Variants in PKHD1 observed in about 807,000 individuals in gnomAD.
PKHD1 encodes PKHD1 ciliary IPT domain containing fibrocystin/polyductin.
In PKHD1, 291 loss-of-function variants were observed where a neutral mutation model predicts 412.0. The observed-to-expected ratio is 0.71, with a 90% CI of 0.64 to 0.78. The LOEUF is 0.78. Among genes scored for constraint, PKHD1 ranks in the 30% least tolerant of loss-of-function variants. The pLI, the probability that PKHD1 is intolerant of heterozygous loss-of-function variation, is 0.00. For synonymous variants in PKHD1, 1,777 were observed against 1,821.5 expected (o/e 0.98, Z 0.62); for missense variants, 4,825 against 4,950.7 (o/e 0.97, Z 0.76).
At chr6:52,052,279 T>C (rs1051137543) in intron 21 of PKHD1, among the ~76,000 whole-genome samples, 3 of 152,176 alleles carry the variant, frequency 2.0e-5, no homozygotes, top group Non-Finnish European at 2.9e-5. Flanking sequence ...AACTGCACCA[T>C]TCTGCCTTGG....
chr6:51,992,755 G>A (rs1485885025), intron 35 of PKHD1, among the ~76,000 whole-genome samples: 5 of 152,226 alleles, frequency 3.3e-5, no homozygotes, highest in Non-Finnish European at 7.3e-5. Context: ...GCAGTGCATT[G>A]TTAACTTATC....
At position 52,025,972 on chromosome 6, in the gene PKHD1, G is replaced by T; in HGVS notation, c.3838C>A (p.Arg1280Ser). 6.2e-7 allele frequency: 1 copy of T among 1,614,092 alleles called. No individual in the cohort carries two copies. Among genetic ancestry groups the T allele is most frequent in the Non-Finnish European group, 8.5e-7 (1 of 1,180,020 alleles). ...EVWAGNRFFA[R>S]GPSPSLVGKG... ...CCCACCAAGCTTGGTGAAGGACCAC[G>T]GGCGAAGAACCTGTTGCCAGCCCAG... The change falls in exon 32 of 67, where the codon CGT (arginine) becomes AGT (serine). Residue 1280 changes from arginine to serine, a missense_variant. By Grantham distance (110) the Arg-to-Ser change is moderately radical (BLOSUM62 -1). Transcript: ENST00000371117.
At chr6:51,776,999 T>G (rs1791133625) in intron 53 of PKHD1, among the ~76,000 whole-genome samples, 1 of 152,050 alleles carries the variant, frequency 6.6e-6, no homozygotes, top group Non-Finnish European at 1.5e-5. Flanking sequence ...ATACTAAAGT[T>G]ATTAAAGTCA....
intron 43 of PKHD1, among the ~76,000 whole-genome samples, chr6:51,894,374 A>G (rs2127581258): frequency 6.6e-6 from 1 of 152,342 alleles, no homozygotes; most frequent in African/African-American, 2.4e-5. Context: ...TTTGCTTCTC[A>G]GTGAAACTGC....
At chr6:51,636,318 G>C (rs1213207454) in intron 64 of PKHD1, among the ~76,000 whole-genome samples, 6 of 152,054 alleles carry the variant, frequency 3.9e-5, no homozygotes, top group African/African-American at 1.4e-4. Context: ...TATAATGCCA[G>C]CATGAGCCCA....
chr6:51,675,537 G>A (rs1178907641), intron 60 of PKHD1, among the ~76,000 whole-genome samples: 1 of 152,106 alleles, frequency 6.6e-6, no homozygotes, highest in African/African-American at 2.4e-5. Flanking sequence ...GCACACTGGA[G>A]AAAGAGAACT....
chr6:51,919,539 A>G (rs1215500641), intron 37 of PKHD1, among the ~76,000 whole-genome samples: 3 of 152,082 alleles, frequency 2.0e-5, no homozygotes, highest in Non-Finnish European at 4.4e-5. Context: ...TTGCCTTGTA[A>G]TATCGTTTGA....
intron 35 of PKHD1, chr6:51,975,979 A>C (rs907698523): frequency 2.6e-5 from 4 of 151,048 alleles, no homozygotes; most frequent in Admixed American, 6.6e-5. Flanking sequence ...AAAAAAAAAA[A>C]AAAAAAAAAA....
chr6:52,035,579 G>A lies in PKHD1; in HGVS notation c.3228+12C>T, dbSNP rs1382436971. 6.2e-7 allele frequency: 1 copy of A among 1,612,396 alleles called. No individual in the cohort carries two copies. ...ACCCAGAGAGAAAGAGATATGAAAG[G>A]AATCCACTTACCCTGGGTGGAACTT... On this transcript the variant is annotated intron_variant, in intron 28 of 66. Coordinates refer to ENST00000371117, the MANE Select transcript of PKHD1 (RefSeq NM_138694.4).
chr6:51,988,996 T>G (rs1796545460), intron 35 of PKHD1, among the ~76,000 whole-genome samples: 1 of 152,224 alleles, frequency 6.6e-6, no homozygotes, highest in African/African-American at 2.4e-5. Context: ...GTCTGTGGCT[T>G]TAGAAAAGGA....
chr6:51,768,512 A>G (rs13219549), intron 55 of PKHD1, among the ~76,000 whole-genome samples: 5,623 of 152,098 alleles, frequency 0.037, 155 homozygotes, highest in Non-Finnish European at 0.059. Context: ...TTATAATTTA[A>G]AAGTTTACTA....
chr6:51,796,878 G>T (rs6458783), intron 52 of PKHD1, among the ~76,000 whole-genome samples: 87,717 of 149,246 alleles, frequency 0.59, 26,462 homozygotes, highest in East Asian at 0.83. Context: ...GAGTGCAGGG[G>T]TGTGATATCA....
chr6:51,997,814 A>C (rs371211389), intron 35 of PKHD1, among the ~76,000 whole-genome samples: 2 of 152,336 alleles, frequency 1.3e-5, no homozygotes, highest in African/African-American at 4.8e-5. Context: ...AAAGAGGCTG[A>C]ATGATATCAA....
chr6:52,004,348 T>G (rs534925938), intron 35 of PKHD1, among the ~76,000 whole-genome samples: 1 of 152,196 alleles, frequency 6.6e-6, no homozygotes, highest in Non-Finnish European at 1.5e-5. Flanking sequence ...TTTGAAATAG[T>G]TTTCATTTTC....
At chr6:51,947,189 T>G (rs1303558706) in intron 36 of PKHD1, among the ~76,000 whole-genome samples, 2 of 152,200 alleles carry the variant, frequency 1.3e-5, no homozygotes, top group Non-Finnish European at 2.9e-5. Flanking sequence ...GTCCTCACCC[T>G]TCCCGAGTGA....
At chr6:51,782,010 ATT>A (rs1792097553) in intron 53 of PKHD1, among the ~76,000 whole-genome samples, 1 of 151,098 alleles carries the variant, frequency 6.6e-6, no homozygotes, top group African/African-American at 2.4e-5. Flanking sequence ...TCCTAAAATT[ATT>A]TTGTTTGTAT....
rs552076092 is a variant in PKHD1 at position 51,615,568 on chromosome 6, GAATT to G, written c.*3509_*3512del. ...TGGAATGCATGAATTTTAAATGACA[GAATT>G]AATTAAAATTCTTTACTGTTATTGA... On this transcript the variant is annotated 3_prime_UTR_variant, in exon 67 of 67. Coordinates refer to ENST00000371117, the MANE Select transcript of PKHD1 (RefSeq NM_138694.4). The G allele has an allele frequency of 1.3e-4, 20 of 152,234 alleles. No homozygotes were observed. The highest frequency in any genetic ancestry group is 3.9e-4 in the Admixed American group (6 of 15,296). The allele number at this position is 152,234 out of a possible 1,614,324, so 9.4% of individuals were successfully genotyped here.
intron 53 of PKHD1, among the ~76,000 whole-genome samples, chr6:51,786,525 A>G (rs550803464): frequency 6.6e-6 from 1 of 152,284 alleles, no homozygotes; most frequent in South Asian, 2.1e-4. Context: ...TCCTTGGCAT[A>G]GTATATCAGG....
rs550890286 is a variant in PKHD1 at position 52,049,690 on chromosome 6, T to C, written c.2279+467A>G. Among the ~76,000 whole-genome samples the C allele has an allele frequency of 2.2e-4, 34 of 152,322 alleles. No individual in the cohort carries two copies. In the South Asian group the frequency reaches 4.6e-3, roughly 20 times the overall value. On this transcript the variant is annotated intron_variant, in intron 22 of 66. Transcript: ENST00000371117. The stretch of plus-strand genomic sequence containing the variant: ...CTTATGGGGCTTTAGTGCCATCTGG[T>C]GGTGAGTTCTTAGAAATAGCTATTT...
Sources: gnomAD v4.1 joint callset for allele counts (sites outside exome capture counted in the v4.1 genomes callset) on GRCh38, gnomAD v4.1.1 for gene constraint, MANE v1.5 for transcripts, NCBI Gene and HGNC (gene_info 2026-07-23, HGNC 2026-07-21) for gene names.